TEX11: variants seen among roughly 807,000 people sequenced by gnomAD.
TEX11 encodes testis-expressed protein 11.
Under a neutral mutation model 84.4 loss-of-function variants are expected in TEX11, and 7 were observed. The ratio of observed to expected loss-of-function variants is 0.08; its 90% CI spans 0.05 to 0.16. TEX11 has a LOEUF of 0.16. Among genes scored for constraint, TEX11 ranks in the 10% least tolerant of loss-of-function variants. The pLI, the probability that TEX11 is intolerant of heterozygous loss-of-function variation, is 1.00. For synonymous variants in TEX11, 264 were observed against 222.8 expected, an observed-to-expected ratio of 1.18 and a Z score of -1.64; for missense variants, 551 against 660.5, an observed-to-expected ratio of 0.83 and a Z score of 1.82.
intron 22 of TEX11, 136 bp downstream of exon 22, chrX:70,608,955 T>C: frequency 2.1e-6 from 1 of 468,856 alleles, no homozygotes; most frequent in Non-Finnish European, 3.5e-6. Flanking sequence ...CTATTTCCAT[T>C]TTATAAGTAA....
At chrX:70,640,866 G>A (rs972329206) in intron 17 of TEX11, among the ~76,000 whole-genome samples, 11 of 108,433 alleles carry the variant, frequency 1.0e-4, no homozygotes, top group Non-Finnish European at 1.3e-4. Flanking sequence ...ATCAACTAAC[G>A]GGCAAAAGAA....
intron 9 of TEX11, among the ~76,000 whole-genome samples, chrX:70,754,124 G>C (rs771594687): frequency 9.0e-6 from 1 of 111,661 alleles, no homozygotes; most frequent in East Asian, 2.8e-4. Flanking sequence ...CAGGGAAGTA[G>C]AGCACCAAGC....
intron 13 of TEX11, among the ~76,000 whole-genome samples, chrX:70,715,025 A>G (rs1313667991): frequency 9.0e-6 from 1 of 111,319 alleles, no homozygotes; most frequent in Non-Finnish European, 1.9e-5. Flanking sequence ...TTATCTGTAA[A>G]GGATTTTATT....
intron 28 of TEX11, among the ~76,000 whole-genome samples, chrX:70,548,162 G>C (rs891501434): frequency 1.8e-5 from 2 of 109,121 alleles, no homozygotes; most frequent in African/African-American, 3.3e-5. Context: ...GCAAACTATC[G>C]CAAGGACAAA....
chrX:70,575,624 C>T (rs909197297), intron 25 of TEX11, among the ~76,000 whole-genome samples: 12 of 111,452 alleles, frequency 1.1e-4, no homozygotes, highest in African/African-American at 3.3e-5. Flanking sequence ...GATCCTTGAC[C>T]GTAGACTTCC....
chrX:70,591,001 G>A (rs932857974), intron 25 of TEX11, among the ~76,000 whole-genome samples: 4 of 110,835 alleles, frequency 3.6e-5, no homozygotes, highest in South Asian at 7.7e-4. Flanking sequence ...TGTCCGCCTC[G>A]GCCTCCCAAA....
At chrX:70,633,657 C>T (rs1255989331) in intron 17 of TEX11, among the ~76,000 whole-genome samples, 1 of 112,289 alleles carries the variant, frequency 8.9e-6, no homozygotes, top group Non-Finnish European at 1.9e-5. Context: ...GTAGCTCATG[C>T]CTGTAATCCC....
chrX:70,779,948 T>A (rs73544742), intron 9 of TEX11, among the ~76,000 whole-genome samples: 11,280 of 111,553 alleles, frequency 0.1, 785 homozygotes, highest in Admixed American at 0.29. Context: ...AAATATTTTT[T>A]AAAAAACTAA....
chrX:70,732,447 GCAAAGTCTCAGGACA>G (rs1677170120), intron 11 of TEX11, among the ~76,000 whole-genome samples: 3 of 111,833 alleles, frequency 2.7e-5, no homozygotes, highest in African/African-American at 9.8e-5. Context: ...AGCAACTTCA[GCAAAGTCTCAGGACA>G]CAAAGTCAAT....
At chrX:70,873,497 C>A (rs186173253) in intron 3 of TEX11, among the ~76,000 whole-genome samples, 190 bp from the exon 4 acceptor site, 3 of 111,623 alleles carry the variant, frequency 2.7e-5, no homozygotes, top group Non-Finnish European at 5.6e-5. Context: ...TTCCTGAACA[C>A]AACTTGTTCA....
chrX:70,530,525 T>C (rs1460920016), intron 28 of TEX11, among the ~76,000 whole-genome samples: 1 of 112,175 alleles, frequency 8.9e-6, no homozygotes, highest in Non-Finnish European at 1.9e-5. Flanking sequence ...CAGTGGTCTT[T>C]AACATGACTA....
At chrX:70,802,031 C>T (rs2091192313) in intron 9 of TEX11, among the ~76,000 whole-genome samples, 2 of 111,714 alleles carry the variant, frequency 1.8e-5, no homozygotes, top group Admixed American at 1.9e-4. Flanking sequence ...GATGGACATA[C>T]ACCACACCAC....
At chrX:70,540,827 T>G (rs1353226425) in intron 28 of TEX11, among the ~76,000 whole-genome samples, 1 of 111,966 alleles carries the variant, frequency 8.9e-6, no homozygotes, top group African/African-American at 3.2e-5. Flanking sequence ...ATTTGACCAC[T>G]CTGGGTACTT....
chrX:70,809,546 A>C (rs920849414), intron 8 of TEX11, among the ~76,000 whole-genome samples: 1 of 111,583 alleles, frequency 9.0e-6, no homozygotes, highest in Non-Finnish European at 1.9e-5. Context: ...AAAGTAAAAA[A>C]ATCAAGCAGC....
At chrX:70,896,361 A>G (rs1321218889) in intron 2 of TEX11, among the ~76,000 whole-genome samples, 1 of 112,540 alleles carries the variant, frequency 8.9e-6, no homozygotes, top group African/African-American at 3.2e-5. Context: ...TTAAAAAGTC[A>G]GGAAACAACA....
intron 8 of TEX11, among the ~76,000 whole-genome samples, chrX:70,813,839 C>G (rs1351390639): frequency 6.3e-5 from 7 of 111,637 alleles, no homozygotes; most frequent in Admixed American, 4.8e-4. Context: ...TGAGTGAACT[C>G]CCATTCACAA....
At chrX:70,805,563 C>A (rs2091214449) in intron 9 of TEX11, among the ~76,000 whole-genome samples, 1 of 110,523 alleles carries the variant, frequency 9.0e-6, no homozygotes, top group Non-Finnish European at 1.9e-5. Context: ...ACCACACCCG[C>A]CTAATTTTTG....
intron 8 of TEX11, among the ~76,000 whole-genome samples, chrX:70,818,217 A>G (rs768882159): frequency 1.2e-4 from 13 of 110,407 alleles, no homozygotes; most frequent in Non-Finnish European, 1.9e-4. Flanking sequence ...TGGGAGGATC[A>G]CTTGAGCCCA....
intron 24 of TEX11, among the ~76,000 whole-genome samples, chrX:70,602,111 G>T (rs930443096): frequency 9.0e-6 from 1 of 111,729 alleles, no homozygotes; most frequent in African/African-American, 3.3e-5. Context: ...CAGTAGGGGC[G>T]GCCGGGCAGA....
Sources: allele counts gnomAD v4.1 joint callset (sites outside exome capture counted in the v4.1 genomes callset), GRCh38; gene constraint gnomAD v4.1.1; transcripts MANE v1.5; gene names NCBI Gene and HGNC (gene_info 2026-07-23, HGNC 2026-07-21).